TAFA2: variants seen among roughly 807,000 people sequenced by gnomAD.
TAFA2 encodes the protein chemokine-like protein TAFA-2.
A neutral mutation model predicts 18.8 loss-of-function variants in TAFA2; 7 were observed. That is an observed-to-expected ratio of 0.37 (90% CI 0.21 to 0.70). The LOEUF (loss-of-function observed/expected upper bound fraction) is 0.70. Ranked by LOEUF, TAFA2 falls within the 30% of genes least tolerant of loss-of-function variation. The probability of loss-of-function intolerance (pLI) is 0.53; values close to 1 mark genes in which losing one functional copy is unlikely to be tolerated. For synonymous variants in TAFA2, 60 were observed against 54.2 expected, an observed-to-expected ratio of 1.11 and a Z score of -0.47; for missense variants, 122 against 158.1, an observed-to-expected ratio of 0.77 and a Z score of 1.23.
At chr12:61,969,486 T>C (rs930613444) in intron 1 of TAFA2, among the ~76,000 whole-genome samples, 3 of 151,630 alleles carry the variant, frequency 2.0e-5, no homozygotes, top group Non-Finnish European at 3.0e-5. Context: ...AAAATAAAAA[T>C]ACAGGACTTC....
chr12:62,088,842 A>G (rs1868576386), intron 1 of TAFA2, among the ~76,000 whole-genome samples: 1 of 151,756 alleles, frequency 6.6e-6, no homozygotes, highest in Admixed American at 6.6e-5. Context: ...CCACAGGCTG[A>G]TGTGGCCTGA....
In TAFA2 at chr12:61,880,801, T is replaced by TC. The variant is rs377600223; in HGVS notation, c.-1-13376dup. The TC allele has an allele frequency of 4.3e-3, 1,339 of 309,744 alleles. 12 individuals carry two copies. The highest frequency in any genetic ancestry group is 0.024 in the African/African-American group (1,098 of 45,348). 19.2% of individuals were successfully genotyped at this position (309,744 alleles called of 1,614,324 possible). ...GCCATGGCAGCCCCTCCCACCCTAC[T>TC]CCCCCCTGCAGCTGCCCCAGAGCCC... On this transcript the variant is annotated intron_variant, in intron 1 of 4. Transcript: ENST00000416284.
At chr12:62,188,703 G>C (rs886881061) in intron 1 of TAFA2, among the ~76,000 whole-genome samples, 1 of 152,042 alleles carries the variant, frequency 6.6e-6, no homozygotes, top group Admixed American at 6.5e-5. Context: ...CTACATTGAA[G>C]ACACTGGATC....
intron 1 of TAFA2, among the ~76,000 whole-genome samples, chr12:62,234,072 T>C (rs1193308980): frequency 6.6e-6 from 1 of 152,180 alleles, no homozygotes; most frequent in Non-Finnish European, 1.5e-5. Flanking sequence ...CACCTCTGAA[T>C]CCTTACTGTC....
chr12:61,969,451 C>A (rs1321054024), intron 1 of TAFA2, among the ~76,000 whole-genome samples: 1 of 151,594 alleles, frequency 6.6e-6, no homozygotes, highest in Non-Finnish European at 1.5e-5. Flanking sequence ...AAATATTAGA[C>A]TATTTTTAAA....
intron 1 of TAFA2, among the ~76,000 whole-genome samples, chr12:62,233,974 G>C (rs1414055695): frequency 6.6e-6 from 1 of 152,184 alleles, no homozygotes; most frequent in African/African-American, 2.4e-5. Flanking sequence ...AGCCTGTAGA[G>C]GACCAGCTTA....
At chr12:61,864,313 G>C (rs1874251404) in intron 2 of TAFA2, among the ~76,000 whole-genome samples, 1 of 149,842 alleles carries the variant, frequency 6.7e-6, no homozygotes, top group Non-Finnish European at 1.5e-5. Context: ...GCATAAAATA[G>C]GATCATCAGA....
chr12:62,200,446 AG>A (rs202084751), intron 1 of TAFA2, among the ~76,000 whole-genome samples: 1,532 of 151,872 alleles, frequency 0.01, 21 homozygotes, highest in African/African-American at 0.03. Context: ...GTGTAAGGAA[AG>A]GGTCCAGTTT....
At chr12:61,741,106 T>C (rs935443458) in intron 4 of TAFA2, among the ~76,000 whole-genome samples, 3 of 152,126 alleles carry the variant, frequency 2.0e-5, no homozygotes, top group African/African-American at 4.8e-5. Flanking sequence ...AAGTGTTTTA[T>C]CAGCTTAAAA....
At chr12:62,055,411 A>G (rs1007395298) in intron 1 of TAFA2, among the ~76,000 whole-genome samples, 10 of 152,210 alleles carry the variant, frequency 6.6e-5, no homozygotes, top group Admixed American at 2.6e-4. Flanking sequence ...CATTTAGTCA[A>G]CTTATTACAA....
chr12:61,763,652 C>T (rs1869658792), intron 2 of TAFA2, among the ~76,000 whole-genome samples: 1 of 151,886 alleles, frequency 6.6e-6, no homozygotes, highest in Admixed American at 6.6e-5. Flanking sequence ...AGAACAGACA[C>T]ATGGAAATTG....
At chr12:62,126,991 CA>C (rs1309673101) in intron 1 of TAFA2, among the ~76,000 whole-genome samples, 1 of 151,958 alleles carries the variant, frequency 6.6e-6, no homozygotes, top group Non-Finnish European at 1.5e-5. Context: ...CTTGACTAGC[CA>C]GAGAATATCT....
At chr12:62,101,878 G>A (rs1007668139) in intron 1 of TAFA2, among the ~76,000 whole-genome samples, 3 of 152,204 alleles carry the variant, frequency 2.0e-5, no homozygotes, top group Non-Finnish European at 4.4e-5. Flanking sequence ...GGAAAAGGAA[G>A]GAGGAAGATG....
Position 62,003,966 on chromosome 12 carries a change from T to C in TAFA2, c.-1-136540A>G, listed in dbSNP as rs141697136. ...TCTAATTGACTCATATGTTACCGTC[T>C]AAAAGTTAATCTCTACATTTGCTTC... On this transcript the variant is annotated intron_variant, in intron 1 of 4. Transcript: ENST00000416284. Among the ~76,000 whole-genome samples the C allele has an allele frequency of 2.0e-3, 300 of 152,300 alleles. 2 individuals carry two copies. In the Middle Eastern group the frequency reaches 0.027, roughly 14 times the overall value.
intron 1 of TAFA2, among the ~76,000 whole-genome samples, chr12:61,945,726 A>T (rs1237152801): frequency 1.4e-5 from 2 of 142,330 alleles, no homozygotes; most frequent in Admixed American, 7.1e-5. Flanking sequence ...ACAGAATAAA[A>T]TACCTAGGAA....
chr12:61,860,222 T>C (rs549214960), intron 2 of TAFA2, among the ~76,000 whole-genome samples: 3 of 152,358 alleles, frequency 2.0e-5, no homozygotes, highest in Non-Finnish European at 2.9e-5. Context: ...TGATTTCTCT[T>C]CTGGGTATTT....
chr12:61,728,280 T>G (rs1870269638), intron 4 of TAFA2, among the ~76,000 whole-genome samples: 1 of 152,080 alleles, frequency 6.6e-6, no homozygotes, highest in Admixed American at 6.6e-5. Flanking sequence ...GTTTTTTTGT[T>G]GACTTTCTGT....
intron 1 of TAFA2, among the ~76,000 whole-genome samples, chr12:62,139,157 G>A (rs1472256696): frequency 6.6e-6 from 1 of 152,050 alleles, no homozygotes; most frequent in African/African-American, 2.4e-5. Flanking sequence ...TCTGCTAAAA[G>A]GTGTGTTAGG....
chr12:61,986,581 G>T (rs373992599), intron 1 of TAFA2, among the ~76,000 whole-genome samples: 3 of 151,614 alleles, frequency 2.0e-5, no homozygotes, highest in South Asian at 4.2e-4. Context: ...TTACAGGCAT[G>T]AGCCACCACA....
Sources: allele counts gnomAD v4.1 joint callset (sites outside exome capture counted in the v4.1 genomes callset), GRCh38; gene constraint gnomAD v4.1.1; transcripts MANE v1.5; gene names NCBI Gene and HGNC (gene_info 2026-07-23, HGNC 2026-07-21).